Variants in CLDN2 observed in about 807,000 individuals in gnomAD.
The protein encoded by CLDN2 is claudin 2, also known as claudin-2.
Under a neutral mutation model 8.2 loss-of-function variants are expected in CLDN2, and 1 was observed. The ratio of observed to expected loss-of-function variants is 0.12; its 90% CI spans 0.04 to 0.58. The LOEUF (loss-of-function observed/expected upper bound fraction) is 0.58. Ranked by LOEUF, CLDN2 falls within the 20% of genes least tolerant of loss-of-function variation. CLDN2 has a pLI of 0.90. For missense variants in CLDN2, 108 were observed against 172.9 expected (o/e 0.62, Z 2.11); for synonymous variants, 70 against 70.2 (o/e 1.00, Z 0.01).
At chrX:106,911,497 T>C (rs1171258298) in intron 1 of CLDN2, among the ~76,000 whole-genome samples, 1 of 110,799 alleles carries the variant, frequency 9.0e-6, no homozygotes, top group African/African-American at 3.3e-5. Flanking sequence ...CCCAAACCCC[T>C]GCCAAGACTA....
At chrX:106,916,588 A>G (rs139849788), upstream of CLDN2, among the ~76,000 whole-genome samples, 1,960 of 111,487 alleles carry the variant, frequency 0.018, 45 homozygotes, top group African/African-American at 0.061. Context: ...ATGGACAAAA[A>G]AGCTAAATTT....
chrX:106,919,409 T>C (rs924737238), upstream of CLDN2, among the ~76,000 whole-genome samples: 1 of 112,021 alleles, frequency 8.9e-6, no homozygotes, highest in African/African-American at 3.2e-5. Context: ...CACTGCGCTC[T>C]ACTACTCCAC....
intron 1 of CLDN2, among the ~76,000 whole-genome samples, chrX:106,901,317 C>G (rs1204653762): frequency 1.8e-5 from 2 of 112,308 alleles, no homozygotes; most frequent in Non-Finnish European, 3.8e-5. Flanking sequence ...ACAGCCTTGG[C>G]AAAGTCCCTT....
At chrX:106,901,398 C>T in intron 1 of CLDN2, 1 of 987,350 alleles carries the variant, frequency 1.0e-6, no homozygotes. Flanking sequence ...CCCTCTCCTG[C>T]TTCACAAGAC....
chrX:106,927,434 T>C (rs943128489), intron 1 of CLDN2, among the ~76,000 whole-genome samples: 2 of 110,934 alleles, frequency 1.8e-5, no homozygotes, highest in African/African-American at 6.6e-5. Flanking sequence ...ACAGGAAATG[T>C]CTGGGCATGT....
chrX:106,916,507 T>C (rs1390027505), upstream of CLDN2, among the ~76,000 whole-genome samples: 1 of 109,902 alleles, frequency 9.1e-6, no homozygotes, highest in Non-Finnish European at 1.9e-5. Context: ...AAAGGAGAAA[T>C]AGGAAAATCA....
At chrX:106,917,948 T>G (rs773775049), upstream of CLDN2, among the ~76,000 whole-genome samples, 93 of 111,448 alleles carry the variant, frequency 8.3e-4, no homozygotes, top group Non-Finnish European at 1.5e-3. Flanking sequence ...TCATAGTATT[T>G]GGCATGATTC....
intron 1 of CLDN2, among the ~76,000 whole-genome samples, chrX:106,902,947 C>T (rs1315942454): frequency 1.8e-5 from 2 of 112,363 alleles, no homozygotes; most frequent in African/African-American, 3.2e-5. Flanking sequence ...CCTCTTGCCA[C>T]CCAGCGGGAT....
chrX:106,905,381 A>G (rs1038391131), intron 1 of CLDN2, among the ~76,000 whole-genome samples: 2 of 112,156 alleles, frequency 1.8e-5, no homozygotes, highest in Non-Finnish European at 3.8e-5. Context: ...CTGTCCCTGA[A>G]TTTTCTAAGT....
chrX:106,910,551 T>C (rs574192873), intron 1 of CLDN2, among the ~76,000 whole-genome samples: 9 of 109,434 alleles, frequency 8.2e-5, no homozygotes, highest in African/African-American at 3.0e-4. Flanking sequence ...CTACTAACAA[T>C]ACAAAAATTA....
At chrX:106,924,110 T>C (rs931742440) in intron 1 of CLDN2, among the ~76,000 whole-genome samples, 1 of 111,114 alleles carries the variant, frequency 9.0e-6, no homozygotes, top group Non-Finnish European at 1.9e-5. Flanking sequence ...AGAAAAGAGT[T>C]GATAACTTTG....
rs1300063124 is a variant in CLDN2 at position 106,903,698 on chromosome X, T to TTCCTGTCTA, written c.-179+3195_-179+3196insCCTGTCTAT. Among the ~76,000 whole-genome samples, 21 of 111,931 alleles carry TTCCTGTCTA rather than the reference T, an allele frequency of 1.9e-4. 1 individual carries two copies. Among genetic ancestry groups the TTCCTGTCTA allele is most frequent in the Non-Finnish European group, 7.5e-5 (4 of 53,102 alleles). On this transcript the variant is annotated intron_variant, in intron 1 of 1. Transcript: ENST00000541806. ...GGACAGAGGGCTGAATAGACAGGCC[T>TTCCTGTCTA]TTAACTAAGCCAGTTCCTGGCAAGA...
intron 1 of CLDN2, among the ~76,000 whole-genome samples, chrX:106,922,143 C>T (rs1380980687): frequency 1.8e-5 from 2 of 112,188 alleles, no homozygotes; most frequent in Non-Finnish European, 3.8e-5. Flanking sequence ...GCCCTCACCT[C>T]TACTGCTCAT....
intron 1 of CLDN2, among the ~76,000 whole-genome samples, chrX:106,904,215 A>G (rs749644286): frequency 8.9e-6 from 1 of 112,994 alleles, no homozygotes; most frequent in East Asian, 2.8e-4. Context: ...ACTCTCTGAC[A>G]GGGGCTACAT....
intron 1 of CLDN2, chrX:106,900,661 G>C: frequency 8.9e-7 from 1 of 1,125,234 alleles, no homozygotes; most frequent in Non-Finnish European, 1.2e-6. Flanking sequence ...GGATAGGTTA[G>C]GGGTGAGGAA....
At position 106,928,524 on chromosome X, in the gene CLDN2, T is replaced by C; in HGVS notation, c.296T>C (p.Val99Ala). 1 of 1,211,597 alleles carries C rather than the reference T, an allele frequency of 8.3e-7. No homozygotes were observed. The highest frequency in any genetic ancestry group is 1.1e-6 in the Non-Finnish European group (1 of 895,482). ...AISSLACIIS[V>A]VGMRCTVFCQ... The stretch of plus-strand genomic sequence containing the variant: ...TCCTCCCTGGCCTGCATTATCTCTG[T>C]GGTGGGCATGAGATGCACAGTCTTC... Residue 99 changes from valine (V) to alanine (A), a missense_variant, in exon 2 of 2, where the codon GTG (valine) becomes GCG (alanine). Physicochemically the swap from Val to Ala is moderately conservative, Grantham distance 64. Transcript: ENST00000336803.
chrX:106,903,009 G>C lies in CLDN2; in HGVS notation c.-179+2505G>C, dbSNP rs140960200. On this transcript the variant is annotated intron_variant, in intron 1 of 1. Coordinates refer to the CLDN2 transcript ENST00000541806. ...ATTCCAGCTAGAGTTGAGGAGGGAG[G>C]GCTATGAGGCCATTGCTTTTCCCCT... 222 of 695,932 alleles carry C rather than the reference G, an allele frequency of 3.2e-4. No individual in the cohort carries two copies. The East Asian group carries it at 6.7e-3, about 21-fold the overall frequency. The allele number at this position is 695,932 out of a possible 1,213,427, so 57.4% of individuals were successfully genotyped here.
chrX:106,919,250 T>C (rs962626812), upstream of CLDN2, among the ~76,000 whole-genome samples: 4 of 111,908 alleles, frequency 3.6e-5, no homozygotes, highest in African/African-American at 9.8e-5. Context: ...ATCAAAATGT[T>C]AGCAATGATT....
chrX:106,901,758 C>T (rs1933099268), intron 1 of CLDN2, among the ~76,000 whole-genome samples: 2 of 111,580 alleles, frequency 1.8e-5, no homozygotes. Flanking sequence ...TGCTTCCCTG[C>T]CTCTGTTCCA....
Sources: allele counts gnomAD v4.1 joint callset (sites outside exome capture counted in the v4.1 genomes callset), GRCh38; gene constraint gnomAD v4.1.1; transcripts MANE v1.5; gene names NCBI Gene and HGNC (gene_info 2026-07-23, HGNC 2026-07-21).